KRTAP9-9: variants seen among roughly 807,000 people sequenced by gnomAD.
KRTAP9-9 encodes keratin associated protein 9-9.
A neutral mutation model predicts 13.7 loss-of-function variants in KRTAP9-9; 12 were observed. The observed-to-expected ratio is 0.88, with a 90% CI of 0.56 to 1.42. The LOEUF is 1.42. Among genes scored for constraint, KRTAP9-9 ranks in the 40% most tolerant of loss-of-function variants. The pLI is 0.00. For missense variants in KRTAP9-9, 194 were observed against 206.5 expected (o/e 0.94, Z 0.37); for synonymous variants, 81 against 78.1 (o/e 1.04, Z -0.19).
exon 1 of KRTAP9-9, chr17:41,255,693 G>T (rs558206578): frequency 6.2e-7 from 1 of 1,613,714 alleles, no homozygotes; most frequent in Non-Finnish European, 8.5e-7. Flanking sequence ...TGTGGCCAGA[G>T]CAGCTCCTGT....
chr17:41,255,909 G>A, exon 1 of KRTAP9-9: 1 of 1,613,274 alleles, frequency 6.2e-7, no homozygotes, highest in South Asian at 1.1e-5. Flanking sequence ...AGTCCCAAGA[G>A]AACAACCATC....
chr17:41,256,167 G>A (rs2016321196), exon 1 of KRTAP9-9: 1 of 618,482 alleles, frequency 1.6e-6, no homozygotes. Flanking sequence ...CAAAAGTCAA[G>A]AGCTTCATTC....
exon 1 of KRTAP9-9, chr17:41,255,637 C>T (rs995744021): frequency 1.2e-5 from 19 of 1,613,786 alleles, no homozygotes; most frequent in Non-Finnish European, 1.6e-5. Context: ...GCCAGCCCAT[C>T]TGCTGTGGGT....
chr17:41,255,680 A>G (rs760920868), exon 1 of KRTAP9-9: 1 of 1,613,520 alleles, frequency 6.2e-7, no homozygotes, highest in African/African-American at 1.3e-5. Flanking sequence ...CTGTGGGTCC[A>G]GCTGTGGCCA....
At chr17:41,255,818 T>C (rs2016312934) in exon 1 of KRTAP9-9, 2 of 1,613,388 alleles carry the variant, frequency 1.2e-6, no homozygotes, top group Non-Finnish European at 1.7e-6. Context: ...CCCCGCCTGC[T>C]GTGAGACCAC....
chr17:41,255,916 C>T (rs369991032), exon 1 of KRTAP9-9: 13 of 1,612,068 alleles, frequency 8.1e-6, no homozygotes, highest in East Asian at 2.2e-5. Context: ...AGAGAACAAC[C>T]ATCTTCACAC....
At chr17:41,255,712 G>A (rs1426554704) in exon 1 of KRTAP9-9, 2 of 1,613,448 alleles carry the variant, frequency 1.2e-6, no homozygotes, top group African/African-American at 1.3e-5. Flanking sequence ...GTGCACCTGT[G>A]TACTGCAGAA....
exon 1 of KRTAP9-9, chr17:41,255,981 T>C: frequency 6.4e-7 from 1 of 1,568,304 alleles, no homozygotes; most frequent in South Asian, 1.2e-5. Context: ...ACCTTACTGC[T>C]GACAGCAACC....
At chr17:41,255,594 G>A in exon 1 of KRTAP9-9, 1 of 1,613,708 alleles carries the variant, frequency 6.2e-7, no homozygotes, top group Non-Finnish European at 8.5e-7. Flanking sequence ...CTGACCAGCT[G>A]CTGCCAGCCT....
exon 1 of KRTAP9-9, chr17:41,255,840 C>T: frequency 2.5e-6 from 4 of 1,613,256 alleles, no homozygotes; most frequent in Non-Finnish European, 3.4e-6. Context: ...TGCTGCAGGA[C>T]CACTTGCTTC....
At chr17:41,255,978 T>A (rs975483670) in exon 1 of KRTAP9-9, 1 of 1,569,182 alleles carries the variant, frequency 6.4e-7, no homozygotes, top group African/African-American at 1.4e-5. Flanking sequence ...TTTACCTTAC[T>A]GCTGACAGCA....
the KRTAP9-9 span, chr17:41,255,610 C>A: frequency 1.2e-6 from 2 of 1,613,860 alleles, no homozygotes; most frequent in East Asian, 4.5e-5. Context: ...AGCCTTCCTG[C>A]TGCAGCACAA....
chr17:41,256,053 G>A lies in KRTAP9-9; in HGVS notation c.*158G>A, dbSNP rs529554701. The A allele has an allele frequency of 3.0e-4, 410 of 1,384,860 alleles. 5 individuals are homozygous for A. In the East Asian group the frequency reaches 9.3e-3, roughly 32 times the overall value. The allele number at this position is 1,384,860 out of a possible 1,614,324, so 85.8% of individuals were successfully genotyped here. The stretch of plus-strand genomic sequence containing the variant: ...TTTAAAATCTTGTGAATCAGCTTGA[G>A]GGAGGGCAGAATACTTCATCCTGAT... On this transcript the variant is annotated 3_prime_UTR_variant, in exon 1 of 1. Coordinates refer to ENST00000394008, the Ensembl canonical transcript of KRTAP9-9.
At chr17:41,255,905 A>G (rs1159438575) in exon 1 of KRTAP9-9, 1 of 1,613,710 alleles carries the variant, frequency 6.2e-7, no homozygotes, top group Non-Finnish European at 8.5e-7. Context: ...ATCAAGTCCC[A>G]AGAGAACAAC....
At chr17:41,256,316 A>G (rs1471465887) in exon 1 of KRTAP9-9, 1 of 234,892 alleles carries the variant, frequency 4.3e-6, no homozygotes, top group African/African-American at 2.3e-5. Flanking sequence ...ATAACCAGGG[A>G]TCTTACCTAT....
the KRTAP9-9 span, chr17:41,255,629 C>T: frequency 6.2e-7 from 1 of 1,611,556 alleles, no homozygotes; most frequent in African/African-American, 1.4e-5. Flanking sequence ...AACCTGCTGC[C>T]AGCCCATCTG....
Position 41,256,132 on chromosome 17 carries a change from T to C in KRTAP9-9, c.*237T>C, listed in dbSNP as rs983799803. 20 of 759,352 alleles carry C rather than the reference T, an allele frequency of 2.6e-5. No individual in the cohort carries two copies. In the South Asian group the frequency reaches 3.0e-4, roughly 11 times the overall value. The allele number at this position is 759,352 out of a possible 1,614,324, so 47.0% of individuals were successfully genotyped here. A position where few individuals can be genotyped will look rare whatever the true frequency, so the allele number is the denominator to read the frequency against. ...GTGCCAGCTTCATGTGTTCTCAATT[T>C]TGAGTCATGGTCTCAGCTTTGACTC... On this transcript the variant is annotated 3_prime_UTR_variant, in exon 1 of 1. Transcript: ENST00000394008.
exon 1 of KRTAP9-9, chr17:41,255,687 G>A (rs1396919781): frequency 5.0e-6 from 8 of 1,613,486 alleles, no homozygotes; most frequent in South Asian, 3.3e-5. Context: ...TCCAGCTGTG[G>A]CCAGAGCAGC....
chr17:41,256,036 C>T (rs2016318439), exon 1 of KRTAP9-9: 2 of 1,481,924 alleles, frequency 1.3e-6, no homozygotes, highest in East Asian at 2.3e-5. Context: ...TATTTAAAAT[C>T]TTGTGAATCA....
Sources: allele counts gnomAD v4.1 joint callset, GRCh38; gene constraint gnomAD v4.1.1; transcripts MANE v1.5; gene names NCBI Gene and HGNC (gene_info 2026-07-23, HGNC 2026-07-21).